MTRF1: variants seen among roughly 807,000 people sequenced by gnomAD.
The protein encoded by MTRF1 is peptide chain release factor 1, mitochondrial.
MTRF1 carries 51 observed loss-of-function variants against 62.9 expected under a neutral mutation model. The observed-to-expected ratio is 0.81, with a 90% CI of 0.65 to 1.02. The LOEUF is 1.02. MTRF1 is among the 50% of genes least tolerant of loss of function. MTRF1 has a pLI of 0.00. For synonymous variants in MTRF1, 158 were observed against 181.9 expected (o/e 0.87, Z 1.06); for missense variants, 446 against 530.0 (o/e 0.84, Z 1.56).
At chr13:41,272,732 C>G in the MTRF1 span, among the ~76,000 whole-genome samples, 1 of 152,172 alleles carries the variant, frequency 6.6e-6, no homozygotes, top group Non-Finnish European at 1.5e-5. Flanking sequence ...AACACTTGAA[C>G]TCATCTTCCC....
chr13:41,309,399 G>A, the MTRF1 span, among the ~76,000 whole-genome samples: 4 of 144,168 alleles, frequency 2.8e-5, no homozygotes, highest in Admixed American at 2.1e-4. Flanking sequence ...ATGTTGCCCC[G>A]GCTGGTCTCC....
At chr13:41,257,132 C>T (rs1168696105) in intron 2 of MTRF1, among the ~76,000 whole-genome samples, 2 of 152,138 alleles carry the variant, frequency 1.3e-5, no homozygotes, top group Non-Finnish European at 2.9e-5. Flanking sequence ...CGAATATATC[C>T]AGAGAATGGC....
chr13:41,222,356 C>T (rs1162743776), intron 9 of MTRF1, among the ~76,000 whole-genome samples: 1 of 152,092 alleles, frequency 6.6e-6, no homozygotes, highest in Non-Finnish European at 1.5e-5. Flanking sequence ...AGTCTTTTCC[C>T]CAACAGCCTA....
At chr13:41,311,392 A>C in the MTRF1 span, 9 of 788,360 alleles carry the variant, frequency 1.1e-5, no homozygotes, top group Non-Finnish European at 1.0e-5. Context: ...GCCCAATTGC[A>C]ACTGTAGACC....
At chr13:41,289,266 G>T in the MTRF1 span, among the ~76,000 whole-genome samples, 2 of 131,418 alleles carry the variant, frequency 1.5e-5, no homozygotes, top group African/African-American at 5.8e-5. Flanking sequence ...ATGGAGTCTC[G>T]CTCTGTCACC....
chr13:41,250,604 G>A (rs1161620270), intron 5 of MTRF1, among the ~76,000 whole-genome samples: 3 of 151,138 alleles, frequency 2.0e-5, no homozygotes, highest in East Asian at 1.9e-4. Flanking sequence ...AATGATTCTC[G>A]TGCCTCAGCC....
In MTRF1 at chr13:41,240,372, A is replaced by G. The variant is rs1239250714; in HGVS notation, c.759T>C (p.Tyr253=). The G allele has an allele frequency of 1.1e-5, 17 of 1,613,874 alleles. No homozygotes were observed. The highest frequency in any genetic ancestry group is 1.4e-5 in the Non-Finnish European group (17 of 1,179,892). The change falls in exon 6 of 10, where the codon TAT becomes TAC. Residue 253 remains tyrosine, a synonymous_variant. Transcript: ENST00000379480. ...GCTGAACTCGGTGAATCCCACCCTC[A>G]TACTTCAAATGCTTATAGACACCGT... The part of the protein sequence containing the change: ...SGDGVYKHLK[Y]EGGIHRVQRI...
chr13:41,249,206 T>G (rs967492859), intron 5 of MTRF1, among the ~76,000 whole-genome samples: 5 of 152,230 alleles, frequency 3.3e-5, no homozygotes, highest in African/African-American at 1.2e-4. Context: ...GCCCTTTCTT[T>G]ATCCACACCC....
chr13:41,308,580 G>A, the MTRF1 span, among the ~76,000 whole-genome samples: 1 of 152,200 alleles, frequency 6.6e-6, no homozygotes, highest in Admixed American at 6.5e-5. Flanking sequence ...TCAGTTCTCC[G>A]GGTGGGGGAC....
At position 41,233,934 on chromosome 13, in the gene MTRF1, A is replaced by G. The variant is rs2036034879; in HGVS notation, c.944T>C (p.Val315Ala). ...TCTGACGGCACTATCAGTTTTATTA[A>G]CATGCTGCCCTCCTGCTCCTTTGGC... ...FRAKGAGGQH[V>A]NKTDSAVRLV... The change falls in exon 7 of 10, where the codon GTT becomes GCT. Residue 315 changes from valine to alanine, a missense_variant. Physicochemically the swap from Val to Ala is moderately conservative, Grantham distance 64. Transcript: ENST00000379480. 1 of 1,614,034 alleles carries G rather than the reference A, an allele frequency of 6.2e-7. No individual in the cohort carries two copies. The highest frequency in any genetic ancestry group is 1.3e-5 in the African/African-American group (1 of 74,934).
chr13:41,253,486 C>T (rs1449774099), intron 3 of MTRF1, among the ~76,000 whole-genome samples: 5 of 152,166 alleles, frequency 3.3e-5, no homozygotes, highest in African/African-American at 7.2e-5. Flanking sequence ...TCAGCAGAGA[C>T]GCTCTAATTA....
chr13:41,309,772 A>G, the MTRF1 span, among the ~76,000 whole-genome samples: 4 of 152,096 alleles, frequency 2.6e-5, no homozygotes, highest in African/African-American at 4.8e-5. Context: ...CGAGGTGGGC[A>G]GATCACCTGA....
chr13:41,292,740 G>T, the MTRF1 span, among the ~76,000 whole-genome samples: 1 of 152,034 alleles, frequency 6.6e-6, no homozygotes, highest in Admixed American at 6.6e-5. Context: ...GGTAACAATA[G>T]TGAGACCCTC....
At chr13:41,253,174 A>G (rs2039296454) in intron 3 of MTRF1, 144 bp from the exon 4 acceptor site, 1 of 618,240 alleles carries the variant, frequency 1.6e-6, no homozygotes. Context: ...AAATGCTATA[A>G]TAAGTAGAAC....
At chr13:41,300,616 G>T in the MTRF1 span, among the ~76,000 whole-genome samples, 3 of 151,922 alleles carry the variant, frequency 2.0e-5, no homozygotes, top group African/African-American at 7.3e-5. Context: ...TAGAGACAGG[G>T]TCTTGCTGGG....
the MTRF1 span, among the ~76,000 whole-genome samples, chr13:41,271,170 C>G: frequency 1.3e-5 from 2 of 152,014 alleles, no homozygotes. Flanking sequence ...CTGTTGGATC[C>G]AAACAGTGGT....
At chr13:41,220,565 C>G in intron 9 of MTRF1, 1 of 1,287,122 alleles carries the variant, frequency 7.8e-7, no homozygotes, top group Non-Finnish European at 1.0e-6. Flanking sequence ...ATGAGAATAC[C>G]AGGTGATCTC....
the MTRF1 span, among the ~76,000 whole-genome samples, chr13:41,276,758 G>C: frequency 6.6e-6 from 1 of 152,186 alleles, no homozygotes; most frequent in Non-Finnish European, 1.5e-5. Flanking sequence ...TGGGGGAGGA[G>C]AGGAGCCTGA....
At chr13:41,259,701 C>CAAAAAAAAAAAAAAAAACAAA (rs2040181102) in intron 2 of MTRF1, among the ~76,000 whole-genome samples, 8 of 29,262 alleles carry the variant, frequency 2.7e-4, no homozygotes, top group Non-Finnish European at 3.8e-4. Flanking sequence ...GACTCCGTCT[C>CAAAAAAAAAAAAAAAAACAAA]AAAAAAAAAA....
Sources: allele counts gnomAD v4.1 joint callset (sites outside exome capture counted in the v4.1 genomes callset), GRCh38; gene constraint gnomAD v4.1.1; transcripts MANE v1.5; gene names NCBI Gene and HGNC (gene_info 2026-07-23, HGNC 2026-07-21).